Variants in TACC2 observed in about 807,000 individuals in gnomAD.
TACC2 encodes the protein transforming acidic coiled-coil containing protein 2.
In TACC2, 137 loss-of-function variants were observed where a neutral mutation model predicts 227.3. The ratio of observed to expected loss-of-function variants is 0.60; its 90% CI spans 0.52 to 0.69. TACC2 has a LOEUF of 0.69. Among genes scored for constraint, TACC2 ranks in the 30% least tolerant of loss-of-function variants. TACC2 has a pLI of 0.00. For missense variants in TACC2, 3,470 were observed against 3,694.4 expected (o/e 0.94, Z 1.57); for synonymous variants, 1,523 against 1,487.5 (o/e 1.02, Z -0.55).
At chr10:122,245,420 G>A (rs1253254039) in intron 19 of TACC2, among the ~76,000 whole-genome samples, 1 of 152,162 alleles carries the variant, frequency 6.6e-6, no homozygotes, top group Non-Finnish European at 1.5e-5. Context: ...CTTGGATCCA[G>A]GAAATCAGAT....
intron 7 of TACC2, among the ~76,000 whole-genome samples, chr10:122,153,726 C>T (rs138805999): frequency 3.7e-4 from 56 of 152,240 alleles, no homozygotes; most frequent in African/African-American, 1.3e-3. Context: ...CTTGCACCCT[C>T]GATGTTATGG....
chr10:122,083,285 G>A lies in TACC2; in HGVS notation c.785G>A (p.Ser262Asn), dbSNP rs757312128. The change falls in exon 4 of 23, where the codon AGC becomes AAC. Residue 262 changes from serine (S) to asparagine (N), a missense_variant. This residue lies in a region of TACC2 where 405 missense variants were observed against 389.6 expected (regional missense o/e 1.04). Coordinates refer to ENST00000369005, the MANE Select transcript of TACC2 (RefSeq NM_206862.4). ...APAAAQQGTE[S>N]SAVLEKSPLK... ...GCTGCAGCCCAGCAGGGCACAGAAA[G>A]CTCAGCGGTCTTGGAGAAGTCCCCC... 2 of 1,613,814 alleles carry A rather than the reference G, an allele frequency of 1.2e-6. No individual in the cohort carries two copies. The highest frequency in any genetic ancestry group is 1.7e-5 in the Admixed American group (1 of 60,000).
intron 10 of TACC2, among the ~76,000 whole-genome samples, chr10:122,215,810 A>C (rs1279008292): frequency 6.6e-6 from 1 of 152,190 alleles, no homozygotes; most frequent in African/African-American, 2.4e-5. Context: ...AAACTCAGCA[A>C]GTGTCAGGAG....
chr10:122,233,093 G>A (rs10887107), intron 16 of TACC2, among the ~76,000 whole-genome samples: 44,092 of 152,048 alleles, frequency 0.29, 7,129 homozygotes, highest in Middle Eastern at 0.42. Flanking sequence ...TGCAGTGGGG[G>A]TTTCTCCATC....
chr10:122,169,468 C>G (rs7918745), intron 7 of TACC2, among the ~76,000 whole-genome samples: 54,353 of 152,056 alleles, frequency 0.36, 9,803 homozygotes, highest in East Asian at 0.54. Context: ...GCCATTCCGT[C>G]TTTGTGCAGC....
chr10:122,041,536 T>G (rs1050466939), intron 2 of TACC2, among the ~76,000 whole-genome samples: 9 of 150,180 alleles, frequency 6.0e-5, no homozygotes, highest in Non-Finnish European at 1.5e-5. Context: ...AATCTCCGCC[T>G]CCTGGGTTCA....
chr10:122,152,093 G>A (rs948341297), intron 7 of TACC2, among the ~76,000 whole-genome samples: 9 of 152,332 alleles, frequency 5.9e-5, no homozygotes, highest in African/African-American at 2.2e-4. Context: ...CAAACATGGA[G>A]ACCTTGGAGT....
chr10:122,136,252 C>T (rs2089607068), intron 6 of TACC2, among the ~76,000 whole-genome samples: 1 of 152,018 alleles, frequency 6.6e-6, no homozygotes, highest in African/African-American at 2.4e-5. Flanking sequence ...ATCAACAGCA[C>T]TTCACCTTGC....
intron 2 of TACC2, among the ~76,000 whole-genome samples, chr10:122,026,772 T>C (rs1958084211): frequency 6.6e-6 from 1 of 152,202 alleles, no homozygotes; most frequent in Non-Finnish European, 1.5e-5. Flanking sequence ...GTAATGTCCA[T>C]TTAAGGTTCC....
At chr10:122,153,593 G>A (rs1017893822) in intron 7 of TACC2, among the ~76,000 whole-genome samples, 1 of 152,218 alleles carries the variant, frequency 6.6e-6, no homozygotes, top group East Asian at 1.9e-4. Flanking sequence ...TCAGGCCAAA[G>A]TGATTTCTTG....
At chr10:122,142,218 G>A (rs1254330500) in intron 6 of TACC2, among the ~76,000 whole-genome samples, 2 of 152,224 alleles carry the variant, frequency 1.3e-5, no homozygotes, top group African/African-American at 4.8e-5. Flanking sequence ...CCCCGAGGGA[G>A]CAGGCAGCAT....
chr10:122,087,329 A>ATGGAGAAGATGGTCCCGGGGACTT lies in TACC2; in HGVS notation c.4832_4855dup (p.Gly1611_Phe1618dup). Reference sequence around the variant, plus strand: ...GAAACATCTGCCTGCGACAGTCCACATGGAGAAGATGGTCCCGGGGACTTT... The same window carrying ATGGAGAAGATGGTCCCGGGGACTT: ...GAAACATCTGCCTGCGACAGTCCACATGGAGAAGATGGTCCCGGGGACTTTGGAGAAGATGGTCCCGGGGACTTT... On this transcript the variant is annotated inframe_insertion, in exon 4 of 23. Coordinates refer to ENST00000369005, the MANE Select transcript of TACC2 (RefSeq NM_206862.4). The ATGGAGAAGATGGTCCCGGGGACTT allele has an allele frequency of 6.2e-7, 1 of 1,614,034 alleles. No individual in the cohort carries two copies. Among genetic ancestry groups the ATGGAGAAGATGGTCCCGGGGACTT allele is most frequent in the South Asian group, 1.1e-5 (1 of 91,090 alleles).
At chr10:121,995,856 C>A (rs958074620) in intron 1 of TACC2, among the ~76,000 whole-genome samples, 1 of 152,058 alleles carries the variant, frequency 6.6e-6, no homozygotes, top group Non-Finnish European at 1.5e-5. Context: ...TGGGTTCAAG[C>A]GATTCTCCTG....
intron 5 of TACC2, among the ~76,000 whole-genome samples, chr10:122,095,135 T>TC (rs994377779): frequency 6.6e-6 from 1 of 152,042 alleles, no homozygotes; most frequent in Non-Finnish European, 1.5e-5. Flanking sequence ...ATGGCAAGTT[T>TC]CCCCCCAGAT....
At chr10:122,253,059 CAG>C (rs1192552479) in intron 22 of TACC2, among the ~76,000 whole-genome samples, 1 of 152,176 alleles carries the variant, frequency 6.6e-6, no homozygotes, top group Non-Finnish European at 1.5e-5. Context: ...AACCTAGAAA[CAG>C]AGGGCACGTG....
chr10:122,211,843 C>A (rs1438924941), intron 9 of TACC2, 135 bp downstream of exon 9: 15 of 677,586 alleles, frequency 2.2e-5, no homozygotes, highest in Non-Finnish European at 3.1e-5. Flanking sequence ...ACGCTTACGG[C>A]CGTTGCACCA....
At chr10:122,201,122 C>G (rs1372087482) in intron 8 of TACC2, among the ~76,000 whole-genome samples, 3 of 137,370 alleles carry the variant, frequency 2.2e-5, no homozygotes, top group South Asian at 2.4e-4. Context: ...AGAGGACGGC[C>G]ACCTCACCTG....
At chr10:122,235,486 A>C (rs2095840166) in intron 16 of TACC2, among the ~76,000 whole-genome samples, 1 of 152,142 alleles carries the variant, frequency 6.6e-6, no homozygotes, top group Non-Finnish European at 1.5e-5. Context: ...CTCCCACCTC[A>C]GCCTCCCAAA....
chr10:122,137,491 G>A (rs2089892773), intron 6 of TACC2, among the ~76,000 whole-genome samples: 1 of 151,994 alleles, frequency 6.6e-6, no homozygotes, highest in Non-Finnish European at 1.5e-5. Context: ...AAGCAGAATG[G>A]TTTTTTCAAT....
Sources: allele counts gnomAD v4.1 joint callset (sites outside exome capture counted in the v4.1 genomes callset), GRCh38; gene constraint gnomAD v4.1.1; regional missense constraint gnomAD v4.1.1; transcripts MANE v1.5; gene names NCBI Gene and HGNC (gene_info 2026-07-23, HGNC 2026-07-21).